The following ZNRF1 variants were observed in gnomAD, a reference collection of about 807,000 sequenced individuals.
ZNRF1 encodes the protein zinc and ring finger 1.
Under a neutral mutation model 18.4 loss-of-function variants are expected in ZNRF1, and 3 were observed. That is an observed-to-expected ratio of 0.16 (90% CI 0.07 to 0.42). The LOEUF (loss-of-function observed/expected upper bound fraction) is 0.42, where lower values mean the gene tolerates loss of function less well. Ranked by LOEUF, ZNRF1 falls within the 10% of genes least tolerant of loss-of-function variation. The pLI is 0.99. For missense variants in ZNRF1, 310 were observed against 329.8 expected, an observed-to-expected ratio of 0.94 and a Z score of 0.47; for synonymous variants, 157 against 144.2, an observed-to-expected ratio of 1.09 and a Z score of -0.64.
At chr16:75,058,991 C>A (rs1042749000) in intron 1 of ZNRF1, among the ~76,000 whole-genome samples, 1 of 152,096 alleles carries the variant, frequency 6.6e-6, no homozygotes, top group Non-Finnish European at 1.5e-5. Flanking sequence ...CAACTAGATA[C>A]TGGCCTTGAT....
In ZNRF1 at chr16:75,110,498, C is replaced by T. The variant is rs1230453918; in HGVS notation, c.*2798C>T. The T allele has an allele frequency of 6.6e-6, 1 of 152,196 alleles. No individual in the cohort carries two copies. Among genetic ancestry groups the T allele is most frequent in the Admixed American group, 6.5e-5 (1 of 15,284 alleles). 9.4% of individuals were successfully genotyped at this position (152,196 alleles called of 1,614,324 possible). A position where few individuals can be genotyped will look rare whatever the true frequency, so the allele number is the denominator to read the frequency against. On this transcript the variant is annotated 3_prime_UTR_variant, in exon 5 of 5. Coordinates refer to ENST00000335325, the MANE Select transcript of ZNRF1 (RefSeq NM_032268.5). ...CAGTTCATGGGAAAATGTCCTCATT[C>T]TTAGGAGATAGATGCTGGATTATAT... is the stretch of plus-strand genomic sequence containing the variant.
At chr16:75,093,403 G>T (rs1392358103) in intron 1 of ZNRF1, among the ~76,000 whole-genome samples, 169 bp from the exon 2 acceptor site, 2 of 145,284 alleles carry the variant, frequency 1.4e-5, no homozygotes, top group African/African-American at 2.6e-5. Flanking sequence ...AAAAAAAAAA[G>T]GCAGATGCTC....
intron 3 of ZNRF1, 28 bp downstream of exon 3, chr16:75,104,917 T>G: frequency 6.5e-7 from 1 of 1,546,102 alleles, no homozygotes; most frequent in South Asian, 1.2e-5. Flanking sequence ...GGTAGCTTAG[T>G]GCACCCCACC....
chr16:75,058,648 C>T (rs1432110949), intron 1 of ZNRF1, among the ~76,000 whole-genome samples: 1 of 152,152 alleles, frequency 6.6e-6, no homozygotes, highest in East Asian at 1.9e-4. Context: ...AAGTAAGTAG[C>T]AAACCTCATC....
intron 1 of ZNRF1, among the ~76,000 whole-genome samples, chr16:75,042,695 T>C (rs2035464948): frequency 6.6e-6 from 1 of 152,174 alleles, no homozygotes; most frequent in East Asian, 1.9e-4. Flanking sequence ...TTTTTCAAAA[T>C]AATGTTGGGT....
At chr16:75,068,188 TAAAAAAAAAAAAAA>T (rs57755915) in intron 1 of ZNRF1, among the ~76,000 whole-genome samples, 2 of 88,952 alleles carry the variant, frequency 2.2e-5, no homozygotes, top group African/African-American at 4.0e-5. Flanking sequence ...GACCTTGTCT[TAAAAAAAAAAAAAA>T]AAAAAAAAAA....
chr16:75,007,464 G>GGGAGAAA (rs1477537597), intron 1 of ZNRF1, among the ~76,000 whole-genome samples: 1 of 152,058 alleles, frequency 6.6e-6, no homozygotes, highest in Non-Finnish European at 1.5e-5. Flanking sequence ...TTCCTCTGTT[G>GGGAGAAA]GGAGAAAGGA....
intron 1 of ZNRF1, among the ~76,000 whole-genome samples, chr16:75,027,696 C>G: frequency 6.6e-6 from 1 of 152,268 alleles, no homozygotes; most frequent in South Asian, 2.1e-4. Flanking sequence ...GTCACACTTG[C>G]TTGGCTAAAT....
At chr16:75,056,126 T>C (rs1321915296) in intron 1 of ZNRF1, among the ~76,000 whole-genome samples, 1 of 152,242 alleles carries the variant, frequency 6.6e-6, no homozygotes, top group African/African-American at 2.4e-5. Flanking sequence ...TCTCCCCATA[T>C]CACATTAAGA....
intron 1 of ZNRF1, among the ~76,000 whole-genome samples, chr16:75,085,815 A>AGAGAGAGAGAGAGT (rs889805907): frequency 2.0e-5 from 3 of 146,834 alleles, no homozygotes; most frequent in African/African-American, 8.0e-5. Context: ...AGAGAGAGAG[A>AGAGAGAGAGAGAGT]GAGTGAGTGT....
chr16:75,104,415 A>G (rs1363849615), intron 2 of ZNRF1: 1 of 180,088 alleles, frequency 5.6e-6, no homozygotes, highest in Non-Finnish European at 1.2e-5. Flanking sequence ...CAAACCAGAC[A>G]TCAGCACACT....
At position 75,103,152 on chromosome 16, in the gene ZNRF1, C is replaced by G. The variant is rs149031578; in HGVS notation, c.521-1632C>G. On this transcript the variant is annotated intron_variant, in intron 2 of 4. Transcript: ENST00000335325. ...CTGCTAGTCTGTGAGCTGCTTGAAT[C>G]CCGAGATCATGGCTATTCACTGTCG... Among the ~76,000 whole-genome samples, 1,352 of 152,298 alleles carry G rather than the reference C, an allele frequency of 8.9e-3. 12 individuals carry two copies. The highest frequency in any genetic ancestry group is 0.017 in the Middle Eastern group (5 of 294).
chr16:75,007,751 C>T (rs2034941216), intron 1 of ZNRF1, among the ~76,000 whole-genome samples: 1 of 152,170 alleles, frequency 6.6e-6, no homozygotes, highest in South Asian at 2.1e-4. Context: ...ACAAGAAGAC[C>T]TTCTACATCT....
intron 1 of ZNRF1, chr16:75,000,388 GGTC>G (rs1221763390): frequency 1.7e-6 from 1 of 591,916 alleles, no homozygotes; most frequent in African/African-American, 1.8e-5. Flanking sequence ...TCAGAGAAGA[GGTC>G]GTGTCTGGCT....
At chr16:75,044,193 C>T (rs1364665599) in intron 1 of ZNRF1, among the ~76,000 whole-genome samples, 3 of 151,822 alleles carry the variant, frequency 2.0e-5, no homozygotes, top group Non-Finnish European at 2.9e-5. Context: ...TGTCACCTTC[C>T]CTAGGTGTAG....
rs2036329745 is a variant in ZNRF1 at position 75,107,376 on chromosome 16, T to C, written c.*33-357T>C. 7 of 211,834 alleles carry C rather than the reference T, an allele frequency of 3.3e-5. No homozygotes were observed. The South Asian group carries it at 3.9e-4, about 12-fold the overall frequency. 13.1% of individuals were successfully genotyped at this position (211,834 alleles called of 1,614,324 possible). On this transcript the variant is annotated intron_variant, in intron 4 of 4. Coordinates refer to ENST00000335325, the MANE Select transcript of ZNRF1 (RefSeq NM_032268.5). ...GCCAAAGGTTTTGGGACCTTTTTCT[T>C]CCCCCCTCCCTTTCTCTCTCTCTTG...
intron 1 of ZNRF1, among the ~76,000 whole-genome samples, chr16:75,046,440 C>T (rs929312754): frequency 2.8e-4 from 42 of 151,180 alleles, no homozygotes; most frequent in Admixed American, 2.4e-3. Context: ...TTAGTGGAGA[C>T]GGGGTTTCAC....
intron 2 of ZNRF1, among the ~76,000 whole-genome samples, chr16:75,102,246 C>G (rs1427155060): frequency 6.6e-6 from 1 of 152,072 alleles, no homozygotes; most frequent in East Asian, 1.9e-4. Flanking sequence ...CACAAAGAAA[C>G]AGCAATGGGA....
intron 1 of ZNRF1, chr16:75,047,027 A>T (rs182329816): frequency 6.6e-6 from 1 of 152,186 alleles, no homozygotes; most frequent in Non-Finnish European, 1.5e-5. Flanking sequence ...TTTTGTGTGT[A>T]TGTTAAAAGT....
Sources: allele counts gnomAD v4.1 joint callset (sites outside exome capture counted in the v4.1 genomes callset), GRCh38; gene constraint gnomAD v4.1.1; transcripts MANE v1.5; gene names NCBI Gene and HGNC (gene_info 2026-07-23, HGNC 2026-07-21).